The following THSD7A variants were observed in gnomAD, a reference collection of about 807,000 sequenced individuals.
The protein encoded by THSD7A is thrombospondin type-1 domain-containing protein 7A.
In THSD7A, 96 loss-of-function variants were observed where a neutral mutation model predicts 231.3. The observed-to-expected ratio is 0.41, with a 90% CI of 0.35 to 0.49. The LOEUF (loss-of-function observed/expected upper bound fraction) is 0.49, where lower values mean the gene tolerates loss of function less well. Ranked by LOEUF, THSD7A falls within the 20% of genes least tolerant of loss-of-function variation. The pLI is 0.05. For missense variants in THSD7A, 2,290 were observed against 2,070.2 expected (o/e 1.11, Z -2.06); for synonymous variants, 940 against 743.3 (o/e 1.26, Z -4.30).
chr7:11,805,359 A>G (rs545810006), intron 1 of THSD7A, among the ~76,000 whole-genome samples: 2 of 152,232 alleles, frequency 1.3e-5, no homozygotes, highest in South Asian at 4.1e-4. Context: ...AAGTATATCT[A>G]CTTGATATTT....
chr7:11,643,801 A>G (rs931105573), intron 1 of THSD7A, among the ~76,000 whole-genome samples: 5 of 152,212 alleles, frequency 3.3e-5, no homozygotes, highest in South Asian at 2.1e-4. Flanking sequence ...AAAGAATGCT[A>G]TAATGAACCT....
At chr7:11,676,607 A>G (rs1245759534) in intron 1 of THSD7A, among the ~76,000 whole-genome samples, 2 of 152,150 alleles carry the variant, frequency 1.3e-5, no homozygotes, top group Non-Finnish European at 2.9e-5. Context: ...ATAGCACGAG[A>G]ACTTCATGGA....
At chr7:11,575,384 G>GCCTAA (rs1790848733) in intron 4 of THSD7A, among the ~76,000 whole-genome samples, 1 of 152,132 alleles carries the variant, frequency 6.6e-6, no homozygotes, top group Non-Finnish European at 1.5e-5. Context: ...CTTTATCAGT[G>GCCTAA]CCTAGATAAA....
intron 23 of THSD7A, among the ~76,000 whole-genome samples, chr7:11,395,053 G>C (rs904832915): frequency 6.6e-6 from 1 of 152,018 alleles, no homozygotes; most frequent in Non-Finnish European, 1.5e-5. Context: ...ACCCATTGGT[G>C]GGCTATATTC....
intron 1 of THSD7A, among the ~76,000 whole-genome samples, chr7:11,813,006 A>T (rs1243541662): frequency 6.6e-6 from 1 of 152,204 alleles, no homozygotes; most frequent in Non-Finnish European, 1.5e-5. Context: ...TACCATAAGA[A>T]TACAAGGAAG....
chr7:11,592,723 T>C (rs1232359808), intron 3 of THSD7A, among the ~76,000 whole-genome samples: 2 of 152,334 alleles, frequency 1.3e-5, no homozygotes, highest in East Asian at 3.9e-4. Flanking sequence ...ATGTAGTATT[T>C]TACTCTAGTG....
intron 6 of THSD7A, among the ~76,000 whole-genome samples, chr7:11,505,753 G>A (rs763235330): frequency 6.6e-6 from 1 of 152,110 alleles, no homozygotes; most frequent in Non-Finnish European, 1.5e-5. Context: ...GTGAGGTTAG[G>A]ATTCAGAATA....
At chr7:11,678,286 T>C (rs1188780055) in intron 1 of THSD7A, among the ~76,000 whole-genome samples, 1 of 151,880 alleles carries the variant, frequency 6.6e-6, no homozygotes, top group African/African-American at 2.4e-5. Context: ...TTAAAAGAAC[T>C]AGAGAATCAA....
intron 4 of THSD7A, among the ~76,000 whole-genome samples, chr7:11,575,441 G>A (rs1197035018): frequency 6.6e-6 from 1 of 152,124 alleles, no homozygotes; most frequent in African/African-American, 2.4e-5. Flanking sequence ...CCCTGTAGAA[G>A]TGGGATAATA....
chr7:11,825,223 C>T (rs28536169), intron 1 of THSD7A, among the ~76,000 whole-genome samples: 3,370 of 152,098 alleles, frequency 0.022, 128 homozygotes, highest in African/African-American at 0.077. Context: ...CACGGTAGTA[C>T]GTACTTTCTA....
chr7:11,669,630 T>C (rs1020520806), intron 1 of THSD7A, among the ~76,000 whole-genome samples: 1 of 151,958 alleles, frequency 6.6e-6, no homozygotes, highest in Non-Finnish European at 1.5e-5. Context: ...TTTAAAAACA[T>C]CAAATTTTTG....
intron 1 of THSD7A, among the ~76,000 whole-genome samples, chr7:11,763,683 C>T (rs62433412): frequency 6.6e-6 from 1 of 152,146 alleles, no homozygotes; most frequent in African/African-American, 2.4e-5. Flanking sequence ...CACAATAACT[C>T]ATTCTTTGAA....
chr7:11,571,672 T>C (rs1790636543), intron 4 of THSD7A, among the ~76,000 whole-genome samples: 1 of 152,242 alleles, frequency 6.6e-6, no homozygotes, highest in Non-Finnish European at 1.5e-5. Flanking sequence ...CATGCTCACT[T>C]TTGAAGACTA....
intron 24 of THSD7A, among the ~76,000 whole-genome samples, chr7:11,381,763 T>G (rs1782525612): frequency 6.6e-6 from 1 of 152,158 alleles, no homozygotes; most frequent in African/African-American, 2.4e-5. Context: ...TTGTATTTCT[T>G]TCTAGGAAAT....
At chr7:11,629,215 C>T (rs1781571829) in intron 2 of THSD7A, among the ~76,000 whole-genome samples, 1 of 152,138 alleles carries the variant, frequency 6.6e-6, no homozygotes, top group African/African-American at 2.4e-5. Context: ...AGGTCAGCAT[C>T]CAGACACACG....
chr7:11,706,872 C>A (rs1003322237), intron 1 of THSD7A, among the ~76,000 whole-genome samples: 3 of 150,452 alleles, frequency 2.0e-5, no homozygotes, highest in Non-Finnish European at 3.0e-5. Context: ...TTGTCATTAT[C>A]TGAACTCTGC....
intron 1 of THSD7A, among the ~76,000 whole-genome samples, chr7:11,733,023 T>C (rs1168950388): frequency 2.0e-5 from 3 of 151,834 alleles, no homozygotes; most frequent in Non-Finnish European, 4.4e-5. Context: ...GAAATGTAAC[T>C]AACATACTAG....
At chr7:11,816,082 T>C (rs539574087) in intron 1 of THSD7A, among the ~76,000 whole-genome samples, 1 of 152,180 alleles carries the variant, frequency 6.6e-6, no homozygotes, top group South Asian at 2.1e-4. Context: ...TACTCCCTCC[T>C]CCATTTTACA....
chr7:11,758,010 CAT>C (rs3037680), intron 1 of THSD7A, among the ~76,000 whole-genome samples: 2,070 of 142,776 alleles, frequency 0.014, 29 homozygotes, highest in African/African-American at 0.039. Context: ...CATATGCATT[CAT>C]ATATATATAT....
Sources: gnomAD v4.1 joint callset for allele counts (sites outside exome capture counted in the v4.1 genomes callset) on GRCh38, gnomAD v4.1.1 for gene constraint, MANE v1.5 for transcripts, NCBI Gene and HGNC (gene_info 2026-07-23, HGNC 2026-07-21) for gene names.